Variants in CPE observed in about 807,000 individuals in gnomAD.
The protein encoded by CPE is carbocypeptidase E.
Under a neutral mutation model 53.5 loss-of-function variants are expected in CPE, and 17 were observed. The ratio of observed to expected loss-of-function variants is 0.32; its 90% CI spans 0.22 to 0.48. The LOEUF is 0.48. Ranked by LOEUF, CPE falls within the 20% of genes least tolerant of loss-of-function variation. CPE has a pLI of 0.99. For missense variants in CPE, 524 were observed against 614.7 expected (o/e 0.85, Z 1.56); for synonymous variants, 226 against 228.8 (o/e 0.99, Z 0.11).
At chr4:165,429,300 A>G (rs932793956) in intron 1 of CPE, among the ~76,000 whole-genome samples, 2 of 152,220 alleles carry the variant, frequency 1.3e-5, no homozygotes, top group Non-Finnish European at 2.9e-5. Flanking sequence ...TTTGGGGGCA[A>G]TTAGGTTAAC....
intron 3 of CPE, among the ~76,000 whole-genome samples, chr4:165,480,105 ATTAG>A (rs944038027): frequency 5.9e-5 from 9 of 152,188 alleles, no homozygotes; most frequent in East Asian, 1.9e-4. Flanking sequence ...TTCTAGTTTT[ATTAG>A]TTAATTAAAA....
Position 165,468,899 on chromosome 4 carries a change from T to G in CPE, c.672+1044T>G, listed in dbSNP as rs555726365. ...TAATGTGATGGTTAAGTATGGAGAC[T>G]CTAGAGGTAACCACCTTGGTGTAAA... On this transcript the variant is annotated intron_variant, in intron 3 of 8. Transcript: ENST00000402744. Among the ~76,000 whole-genome samples, 194 of 152,366 alleles carry G rather than the reference T, an allele frequency of 1.3e-3. 1 individual carries two copies. Among genetic ancestry groups the G allele is most frequent in the Non-Finnish European group, 2.4e-3 (161 of 68,036 alleles).
chr4:165,399,148 T>C (rs570324613), intron 1 of CPE, among the ~76,000 whole-genome samples: 4 of 152,350 alleles, frequency 2.6e-5, no homozygotes, highest in African/African-American at 7.2e-5. Flanking sequence ...TCTCACATTA[T>C]ATGTTCATAA....
intron 1 of CPE, among the ~76,000 whole-genome samples, chr4:165,443,080 G>A (rs1230296125): frequency 6.6e-6 from 1 of 152,142 alleles, no homozygotes; most frequent in Non-Finnish European, 1.5e-5. Context: ...CCCATTAAAA[G>A]GGCCTAACTA....
At chr4:165,479,969 G>A (rs1229095463) in intron 3 of CPE, among the ~76,000 whole-genome samples, 1 of 146,874 alleles carries the variant, frequency 6.8e-6, no homozygotes, top group Non-Finnish European at 1.5e-5. Flanking sequence ...TCTAGCCTGG[G>A]TGACAGAGTG....
chr4:165,450,340 C>T (rs1224708134), intron 1 of CPE, among the ~76,000 whole-genome samples: 3 of 152,154 alleles, frequency 2.0e-5, no homozygotes, highest in Non-Finnish European at 4.4e-5. Context: ...CATTACTCTT[C>T]TTCATTGGGA....
intron 1 of CPE, chr4:165,405,993 G>A: frequency 1.3e-6 from 1 of 748,018 alleles, no homozygotes; most frequent in Non-Finnish European, 2.5e-6. Flanking sequence ...TGTGGTATCT[G>A]TGTTACTTCT....
intron 2 of CPE, among the ~76,000 whole-genome samples, chr4:165,466,548 C>T (rs1261272970): frequency 6.6e-6 from 1 of 151,814 alleles, no homozygotes; most frequent in Non-Finnish European, 1.5e-5. Flanking sequence ...GATGGAGTCT[C>T]ACTCTGTCAC....
intron 1 of CPE, among the ~76,000 whole-genome samples, chr4:165,447,684 G>A (rs538606467): frequency 6.6e-6 from 1 of 151,858 alleles, no homozygotes; most frequent in East Asian, 1.9e-4. Flanking sequence ...AAAATTTTTT[G>A]ACTCTTTTGT....
At chr4:165,458,656 C>T (rs528355657) in intron 1 of CPE, among the ~76,000 whole-genome samples, 4 of 152,310 alleles carry the variant, frequency 2.6e-5, no homozygotes, top group African/African-American at 9.6e-5. Flanking sequence ...CCCACATTCA[C>T]ATTTGTTATT....
In CPE at chr4:165,484,483, A is replaced by C. The variant is rs771304885; in HGVS notation, c.852A>C (p.Ala284=). 2 of 1,613,956 alleles carry C rather than the reference A, an allele frequency of 1.2e-6. No homozygotes were observed. The highest frequency in any genetic ancestry group is 2.7e-5 in the African/African-American group (2 of 74,900). ...CCATTTTCCAAAGCTTGGCCCGGGC[A>C]TACTCTTCTTTCAACCCGGCCATGT... ...DDAIFQSLAR[A]YSSFNPAMSD... The change falls in exon 5 of 9, where the codon GCA becomes GCC. Residue 284 remains alanine, a synonymous_variant. Coordinates refer to ENST00000402744, the MANE Select transcript of CPE (RefSeq NM_001873.4).
At chr4:165,493,725 C>G (rs188433820) in intron 7 of CPE, among the ~76,000 whole-genome samples, 1 of 152,280 alleles carries the variant, frequency 6.6e-6, no homozygotes, top group Non-Finnish European at 1.5e-5. Context: ...AATTCTCACA[C>G]AGTTTTTCAT....
At chr4:165,404,060 C>T in intron 1 of CPE, 1 of 956,090 alleles carries the variant, frequency 1.0e-6, no homozygotes, top group Non-Finnish European at 1.7e-6. Context: ...AGGCATGAGG[C>T]CTGCTCACTG....
intron 1 of CPE, among the ~76,000 whole-genome samples, chr4:165,389,204 CAT>C (rs1311925313): frequency 1.3e-5 from 2 of 152,094 alleles, no homozygotes; most frequent in Admixed American, 1.3e-4. Flanking sequence ...ACGATCTAGA[CAT>C]ATAGGTTTTA....
chr4:165,403,639 C>G (rs1579245278), intron 1 of CPE, among the ~76,000 whole-genome samples: 1 of 151,448 alleles, frequency 6.6e-6, no homozygotes, highest in Non-Finnish European at 1.5e-5. Context: ...ATGTTGAAAG[C>G]CTCTTGTAAT....
intron 1 of CPE, among the ~76,000 whole-genome samples, chr4:165,446,639 C>A (rs1250634389): frequency 6.6e-6 from 1 of 152,114 alleles, no homozygotes; most frequent in Non-Finnish European, 1.5e-5. Context: ...TGAGCCACTG[C>A]GCCCGGCCTA....
At chr4:165,437,934 G>T (rs1579261390) in intron 1 of CPE, among the ~76,000 whole-genome samples, 1 of 152,250 alleles carries the variant, frequency 6.6e-6, no homozygotes, top group South Asian at 2.1e-4. Flanking sequence ...ATTGCTTCAG[G>T]ATGAGGTGTG....
At position 165,393,836 on chromosome 4, in the gene CPE, A is replaced by G. The variant is rs1274134655; in HGVS notation, c.307+14308A>G. 2.0e-5 allele frequency among the ~76,000 whole-genome samples: 3 copies of G among 152,304 alleles called. No individual in the cohort carries two copies. The East Asian group carries it at 5.8e-4, about 29-fold the overall frequency. ...TGCCGGAGGCGGATAGACAGGGCCT[A>G]GGGTGGCAAAAAACCAGGAAAGCAT... is the stretch of plus-strand genomic sequence containing the variant. On this transcript the variant is annotated intron_variant, in intron 1 of 8. Transcript: ENST00000402744.
At position 165,463,067 on chromosome 4, in the gene CPE, G is replaced by T. The variant is rs560985448; in HGVS notation, c.308-1323G>T. ...CAACAGGATTAATTGAGATCACTTTGCTGCTACGTTCTGCAATTTCATTAC... is the reference window on the plus strand; with the variant it reads ...CAACAGGATTAATTGAGATCACTTTTCTGCTACGTTCTGCAATTTCATTAC... On this transcript the variant is annotated intron_variant, in intron 1 of 8. Coordinates refer to ENST00000402744, the MANE Select transcript of CPE (RefSeq NM_001873.4). 1.4e-4 allele frequency among the ~76,000 whole-genome samples: 21 copies of T among 152,270 alleles called. No homozygotes were observed. The South Asian group carries it at 4.4e-3, about 32-fold the overall frequency.
Sources: allele counts gnomAD v4.1 joint callset (sites outside exome capture counted in the v4.1 genomes callset), GRCh38; gene constraint gnomAD v4.1.1; transcripts MANE v1.5; gene names NCBI Gene and HGNC (gene_info 2026-07-23, HGNC 2026-07-21).